IPPK: variants seen among roughly 807,000 people sequenced by gnomAD.
The protein encoded by IPPK is IPK1 homolog.
IPPK carries 22 observed loss-of-function variants against 64.6 expected under a neutral mutation model. That is an observed-to-expected ratio of 0.34 (90% confidence interval 0.24 to 0.49). The LOEUF (loss-of-function observed/expected upper bound fraction) is 0.49, where lower values mean the gene tolerates loss of function less well. Among genes scored for constraint, IPPK ranks in the 20% least tolerant of loss-of-function variants. The pLI is 0.99. For missense variants in IPPK, 532 were observed against 630.7 expected, an observed-to-expected ratio of 0.84 and a Z score of 1.68; for synonymous variants, 262 against 247.2, an observed-to-expected ratio of 1.06 and a Z score of -0.56.
chr9:92,639,138 T>A (rs1852000108), intron 8 of IPPK, among the ~76,000 whole-genome samples: 1 of 152,194 alleles, frequency 6.6e-6, no homozygotes, highest in Admixed American at 6.5e-5. Flanking sequence ...AGCCTTCAAC[T>A]CCCAGGCTCA....
chr9:92,625,642 A>G (rs1851719449), intron 11 of IPPK, among the ~76,000 whole-genome samples: 1 of 152,184 alleles, frequency 6.6e-6, no homozygotes, highest in South Asian at 2.1e-4. Context: ...CCACCCACCC[A>G]CAAAGAGCTG....
At chr9:92,662,543 A>G (rs1264164121) in intron 1 of IPPK, among the ~76,000 whole-genome samples, 6 of 152,012 alleles carry the variant, frequency 3.9e-5, no homozygotes, top group African/African-American at 1.4e-4. Flanking sequence ...AAAAGTGAAG[A>G]AAAAGAGTTA....
intron 3 of IPPK, 141 bp downstream of exon 3, chr9:92,656,315 C>A: frequency 1.6e-6 from 1 of 638,692 alleles, no homozygotes; most frequent in Non-Finnish European, 2.9e-6. Context: ...CTGCTGCCAC[C>A]CAGCACAGCA....
chr9:92,668,073 G>C (rs1334356502), intron 1 of IPPK, among the ~76,000 whole-genome samples: 1 of 152,104 alleles, frequency 6.6e-6, no homozygotes, highest in African/African-American at 2.4e-5. Context: ...TTGGAGACCA[G>C]CCTGGTCAAC....
chr9:92,628,745 C>T (rs1372085644), intron 11 of IPPK, among the ~76,000 whole-genome samples: 2 of 152,194 alleles, frequency 1.3e-5, no homozygotes, highest in African/African-American at 4.8e-5. Flanking sequence ...GGCATGGTGG[C>T]ACATGCCTGT....
At chr9:92,633,202 G>A (rs1851876952) in intron 11 of IPPK, among the ~76,000 whole-genome samples, 1 of 151,844 alleles carries the variant, frequency 6.6e-6, no homozygotes, top group Non-Finnish European at 1.5e-5. Context: ...CAGTAGAGGT[G>A]GGGTTTGACC....
Position 92,670,046 on chromosome 9 carries a change from C to A in IPPK, c.-58G>T. ...GGACTCGGGGACGCGAGCTGGGGGC[C>A]GCCCGCCTCGCTGGGAACCAGCCGC... On this transcript the variant is annotated 5_prime_UTR_variant, in exon 1 of 13. Coordinates refer to ENST00000287996, the MANE Select transcript of IPPK (RefSeq NM_022755.6). The A allele has an allele frequency of 7.7e-7, 1 of 1,299,046 alleles. No homozygotes were observed. Among genetic ancestry groups the A allele is most frequent in the Non-Finnish European group, 1.1e-6 (1 of 933,582 alleles). 80.5% of individuals were successfully genotyped at this position (1,299,046 alleles called of 1,614,324 possible).
intron 1 of IPPK, among the ~76,000 whole-genome samples, chr9:92,662,257 G>A (rs543738598): frequency 3.3e-4 from 51 of 152,296 alleles, no homozygotes; most frequent in African/African-American, 1.2e-3. Context: ...CAGGCGCGGT[G>A]GCTCATGCCT....
At chr9:92,645,238 A>G (rs1255834223) in intron 6 of IPPK, among the ~76,000 whole-genome samples, 1 of 151,956 alleles carries the variant, frequency 6.6e-6, no homozygotes, top group Non-Finnish European at 1.5e-5. Flanking sequence ...AAAAATTCAA[A>G]AACTAGCTGG....
chr9:92,650,332 A>AC (rs1455335271), intron 4 of IPPK, among the ~76,000 whole-genome samples: 2 of 152,250 alleles, frequency 1.3e-5, no homozygotes, highest in East Asian at 1.9e-4. Flanking sequence ...ATCTCAAAAA[A>AC]AAAAACAAAA....
intron 11 of IPPK, among the ~76,000 whole-genome samples, chr9:92,625,939 C>G (rs1435801164): frequency 6.6e-6 from 1 of 151,610 alleles, no homozygotes; most frequent in Non-Finnish European, 1.5e-5. Context: ...TTTTTAACCA[C>G]CAAGGTTTTA....
rs1851930180 is a variant in IPPK, at chr9:92,635,720, T to C, written c.917-412A>G. Among the ~76,000 whole-genome samples, 1 of 152,104 alleles carries C rather than the reference T, an allele frequency of 6.6e-6. No homozygotes were observed. Among genetic ancestry groups the C allele is most frequent in the Admixed American group, 6.5e-5 (1 of 15,276 alleles). On this transcript the variant is annotated intron_variant, in intron 9 of 12. Transcript: ENST00000287996. This position sits in a 1 kb window ranked among gnomAD's most constrained non-coding sequence, Gnocchi z 4.4. ...AAATTTCTTCTTTTTCTTTTCTTTT[T>C]TTTTTTTGAGACAGAGTCTTGCTCT... is the stretch of plus-strand genomic sequence containing the variant.
chr9:92,658,919 C>A (rs994890669), intron 1 of IPPK, among the ~76,000 whole-genome samples: 1 of 152,182 alleles, frequency 6.6e-6, no homozygotes, highest in Admixed American at 6.5e-5. Context: ...AGGACTTTAT[C>A]TTAAGGAAAG....
chr9:92,653,025 G>A (rs1852299544), intron 3 of IPPK, among the ~76,000 whole-genome samples: 2 of 152,148 alleles, frequency 1.3e-5, no homozygotes. Flanking sequence ...CCACATGGAA[G>A]ACCCTTACTG....
At chr9:92,664,512 C>G (rs1302006718) in intron 1 of IPPK, among the ~76,000 whole-genome samples, 1 of 152,120 alleles carries the variant, frequency 6.6e-6, no homozygotes, top group African/African-American at 2.4e-5. Context: ...AGGACTGAAG[C>G]AGGCACAGGT....
chr9:92,668,529 GA>G (rs61339973), intron 1 of IPPK, among the ~76,000 whole-genome samples: 44,166 of 152,118 alleles, frequency 0.29, 7,346 homozygotes, highest in East Asian at 0.78. Flanking sequence ...CCTCACTAAA[GA>G]AAAGTCTTAG....
chr9:92,627,219 T>TA (rs982144903), intron 11 of IPPK, among the ~76,000 whole-genome samples: 4 of 152,064 alleles, frequency 2.6e-5, no homozygotes, highest in Admixed American at 6.5e-5. Flanking sequence ...GAATTAAAAA[T>TA]AAAAAAACTA....
chr9:92,656,598 CAG>C (rs1564040361), intron 2 of IPPK, 47 bp from the exon 3 acceptor site: 2 of 1,279,556 alleles, frequency 1.6e-6, no homozygotes, highest in South Asian at 2.4e-5. Context: ...GACCTCCCAA[CAG>C]AGCCTTGCTT....
intron 11 of IPPK, among the ~76,000 whole-genome samples, chr9:92,632,667 T>C (rs914523463): frequency 5.3e-5 from 8 of 152,184 alleles, no homozygotes; most frequent in African/African-American, 1.9e-4. Context: ...AGGGCTCCAC[T>C]TGGAACTCTC....
Sources: gnomAD v4.1 joint callset for allele counts (sites outside exome capture counted in the v4.1 genomes callset) on GRCh38, gnomAD v4.1.1 for gene constraint, Gnocchi (gnomAD v3.1) non-coding constraint, MANE v1.5 for transcripts, NCBI Gene and HGNC (gene_info 2026-07-23, HGNC 2026-07-21) for gene names.